Variants in ABCD3 observed in about 807,000 individuals in gnomAD.
ABCD3 encodes the protein ATP-binding cassette sub-family D member 3.
ABCD3 carries 41 observed loss-of-function variants against 105.5 expected under a neutral mutation model. The ratio of observed to expected loss-of-function variants is 0.39; its 90% CI spans 0.30 to 0.50. The LOEUF (loss-of-function observed/expected upper bound fraction) is 0.50, where lower values mean the gene tolerates loss of function less well. Among genes scored for constraint, ABCD3 ranks in the 20% least tolerant of loss-of-function variants. The probability of loss-of-function intolerance (pLI) is 0.84; values close to 1 mark genes in which losing one functional copy is unlikely to be tolerated. For missense variants in ABCD3, 622 were observed against 806.3 expected (o/e 0.77, Z 2.77); for synonymous variants, 258 against 269.0 (o/e 0.96, Z 0.40).
At chr1:94,494,010 G>A (rs1046082502) in intron 16 of ABCD3, among the ~76,000 whole-genome samples, 2 of 151,694 alleles carry the variant, frequency 1.3e-5, no homozygotes, top group African/African-American at 4.9e-5. Flanking sequence ...CAAGTTAATG[G>A]GTGCAGCACA....
At chr1:94,396,726 G>A in the ABCD3 span, among the ~76,000 whole-genome samples, 1 of 152,110 alleles carries the variant, frequency 6.6e-6, no homozygotes, top group Non-Finnish European at 1.5e-5. Flanking sequence ...ACCTGAAATT[G>A]TATTGAGTTG....
chr1:94,480,346 G>A, intron 8 of ABCD3, 118 bp from the exon 9 acceptor site: 1 of 1,294,778 alleles, frequency 7.7e-7, no homozygotes, highest in South Asian at 1.3e-5. Context: ...AAATTACCCA[G>A]TAGGGCAATT....
intron 2 of ABCD3, among the ~76,000 whole-genome samples, chr1:94,463,726 A>G (rs1452369847): frequency 2.6e-5 from 4 of 152,160 alleles, no homozygotes; most frequent in African/African-American, 9.7e-5. Context: ...TTCCATTTTC[A>G]TGGAGCTAGT....
In ABCD3 at chr1:94,418,405, C is replaced by A; in HGVS notation, c.-74C>A. The stretch of plus-strand genomic sequence containing the variant: ...TGCTCTCCTCCCAGTCTCCCCCGCG[C>A]TGCGTGCAGTAAGGTAGCCGCCGCC... On this transcript the variant is annotated 5_prime_UTR_variant, in exon 1 of 23. In the 5' UTR this introduces an upstream ATG that the reference lacks. Transcript: ENST00000370214. 7.7e-7 allele frequency: 1 copy of A among 1,299,204 alleles called. No individual in the cohort carries two copies. Among genetic ancestry groups the A allele is most frequent in the Non-Finnish European group, 1.1e-6 (1 of 932,936 alleles). 80.5% of individuals were successfully genotyped at this position (1,299,204 alleles called of 1,614,324 possible). A position where few individuals can be genotyped will look rare whatever the true frequency, so the allele number is the denominator to read the frequency against.
intron 1 of ABCD3, among the ~76,000 whole-genome samples, chr1:94,444,306 G>A (rs55801886): frequency 3.5e-5 from 5 of 144,844 alleles, no homozygotes; most frequent in East Asian, 2.0e-4. Context: ...TACTCTAGCC[G>A]GGGGGGCAGA....
chr1:94,387,430 A>G, the ABCD3 span, among the ~76,000 whole-genome samples: 1 of 152,140 alleles, frequency 6.6e-6, no homozygotes, highest in Non-Finnish European at 1.5e-5. Context: ...GCACCAGGCT[A>G]CTGACAACCT....
At chr1:94,405,594 G>A in the ABCD3 span, among the ~76,000 whole-genome samples, 13 of 152,230 alleles carry the variant, frequency 8.5e-5, no homozygotes, top group African/African-American at 1.7e-4. Flanking sequence ...ATGAGACACC[G>A]CCATTATCAA....
At chr1:94,447,221 A>G (rs967487165) in intron 1 of ABCD3, among the ~76,000 whole-genome samples, 4 of 152,230 alleles carry the variant, frequency 2.6e-5, no homozygotes, top group Admixed American at 2.6e-4. Context: ...AAACAATTAG[A>G]AGGACACATA....
At chr1:94,433,529 A>C (rs759746247) in intron 1 of ABCD3, among the ~76,000 whole-genome samples, 2 of 152,080 alleles carry the variant, frequency 1.3e-5, no homozygotes, top group African/African-American at 4.8e-5. Flanking sequence ...TACACACCCA[A>C]GCTGTATGGT....
intron 1 of ABCD3, among the ~76,000 whole-genome samples, chr1:94,438,187 T>G (rs1459668956): frequency 6.6e-6 from 1 of 151,842 alleles, no homozygotes; most frequent in African/African-American, 2.4e-5. Context: ...CTTGGGAGGC[T>G]GAGACAGGGG....
chr1:94,397,359 C>T, the ABCD3 span, among the ~76,000 whole-genome samples: 1 of 152,216 alleles, frequency 6.6e-6, no homozygotes, highest in Non-Finnish European at 1.5e-5. Flanking sequence ...TCCCACATTG[C>T]ACTCAGCCGC....
At chr1:94,478,354 T>A in intron 8 of ABCD3, 39 bp downstream of exon 8, 1 of 1,477,430 alleles carries the variant, frequency 6.8e-7, no homozygotes. Flanking sequence ...ATTGATATAA[T>A]ATAATATTTG....
chr1:94,444,958 C>T (rs906157979), intron 1 of ABCD3, among the ~76,000 whole-genome samples: 1 of 152,200 alleles, frequency 6.6e-6, no homozygotes, highest in Non-Finnish European at 1.5e-5. Flanking sequence ...GGTTGGAAAA[C>T]TGCTTAAGGC....
rs202077225 is a variant in ABCD3, at chr1:94,499,495, G to A, written c.1621G>A (p.Val541Ile). 2 of 1,613,154 alleles carry A rather than the reference G, an allele frequency of 1.2e-6. No homozygotes were observed. The highest frequency in any genetic ancestry group is 1.7e-6 in the Non-Finnish European group (2 of 1,179,336). Residue 541 changes from valine (V) to isoleucine (I), a missense_variant and splice_region_variant, in exon 20 of 23, where the codon GTA (valine) becomes ATA (isoleucine). This residue lies in a region of ABCD3 where 285 missense variants were observed against 352.5 expected (regional missense o/e 0.81). Transcript: ENST00000370214. ...DQKRKGISDL[V>I]LKEYLDNVQL... is the part of the protein sequence containing the mutation. The stretch of plus-strand genomic sequence containing the variant: ...TCATCTTTAATCATTTTGCTGAAAG[G>A]TACTGAAGGAATACTTAGACAATGT...
At chr1:94,468,061 A>C (rs968876174) in intron 4 of ABCD3, 54 bp downstream of exon 4, 1 of 1,227,214 alleles carries the variant, frequency 8.1e-7, no homozygotes. Flanking sequence ...TTTGTCTCAT[A>C]TTTATGCATT....
intron 1 of ABCD3, among the ~76,000 whole-genome samples, chr1:94,449,557 A>G (rs1257049781): frequency 1.3e-5 from 2 of 152,252 alleles, no homozygotes; most frequent in African/African-American, 4.8e-5. Flanking sequence ...TATTTACCGT[A>G]ATGAATCTGC....
intron 2 of ABCD3, among the ~76,000 whole-genome samples, chr1:94,460,108 A>G (rs898912024): frequency 2.0e-5 from 3 of 152,010 alleles, no homozygotes; most frequent in African/African-American, 7.3e-5. Flanking sequence ...ATATGTTTTT[A>G]TTTCTCTTGG....
chr1:94,412,536 G>A, the ABCD3 span, among the ~76,000 whole-genome samples: 1 of 152,104 alleles, frequency 6.6e-6, no homozygotes, highest in South Asian at 2.1e-4. Context: ...CTCCACTGAT[G>A]GACATTTAGA....
chr1:94,496,694 GTTTTTTTTTTTTT>G lies in ABCD3; in HGVS notation c.1387-1891_1387-1879del, dbSNP rs71094302. 6.3e-4 allele frequency among the ~76,000 whole-genome samples: 25 copies of G among 39,374 alleles called. 1 individual carries two copies. The highest frequency in any genetic ancestry group is 2.2e-3 in the African/African-American group (20 of 9,156). The allele number at this position is 39,374 out of a possible 152,430, so 25.8% of individuals were successfully genotyped here. A position where few individuals can be genotyped will look rare whatever the true frequency, so the allele number is the denominator to read the frequency against. Reference sequence around the variant, plus strand: ...CTTCAGTAAAATCAGCCTTGTTTCTGTTTTTTTTTTTTTTTTTTTTTTTTTTTTTGAATAGGAT... The same window carrying G: ...CTTCAGTAAAATCAGCCTTGTTTCTGTTTTTTTTTTTTTTTTGAATAGGAT... On this transcript the variant is annotated intron_variant, in intron 16 of 22. Coordinates refer to ENST00000370214, the MANE Select transcript of ABCD3 (RefSeq NM_002858.4).
Sources: allele counts gnomAD v4.1 joint callset (sites outside exome capture counted in the v4.1 genomes callset), GRCh38; gene constraint gnomAD v4.1.1; regional missense constraint gnomAD v4.1.1; transcripts MANE v1.5; gene names NCBI Gene and HGNC (gene_info 2026-07-23, HGNC 2026-07-21).